Variants in DCAF12L2 observed in about 807,000 individuals in gnomAD.
DCAF12L2 encodes DDB1 and CUL4 associated factor 12 like 2.
DCAF12L2 carries 16 observed loss-of-function variants against 20.2 expected under a neutral mutation model. The ratio of observed to expected loss-of-function variants is 0.79; its 90% confidence interval spans 0.54 to 1.20. The LOEUF (loss-of-function observed/expected upper bound fraction) is 1.20. Among genes scored for constraint, DCAF12L2 ranks in the 50% most tolerant of loss-of-function variants. The pLI, the probability that DCAF12L2 is intolerant of heterozygous loss-of-function variation, is 0.00. For missense variants in DCAF12L2, 355 were observed against 404.8 expected (o/e 0.88, Z 1.06); for synonymous variants, 195 against 190.0 (o/e 1.03, Z -0.22).
Position 126,165,306 on chromosome X carries a change from C to A in DCAF12L2, c.619G>T (p.Val207Leu). Residue 207 changes from valine to leucine, a missense_variant, in exon 1 of 1, where the codon GTA becomes TTA. By Grantham distance (32) the Val-to-Leu change is conservative. Transcript: ENST00000360028. ...CCGTCGCGGGAGCCGCTCACAGCTA[C>A]GGTGTCACTCAGCCAGGCGACTGCG... is the stretch of plus-strand genomic sequence containing the variant. Reference protein sequence around the residue: ...IFAVAWLSDTVAVSGSRDGTV... With the variant: ...IFAVAWLSDTLAVSGSRDGTV... The A allele has an allele frequency of 1.6e-6, 2 of 1,212,571 alleles. No homozygotes were observed. Among genetic ancestry groups the A allele is most frequent in the Non-Finnish European group, 2.2e-6 (2 of 895,654 alleles).
At position 126,165,277 on chromosome X, in the gene DCAF12L2, G is replaced by A. The variant is rs376618014; in HGVS notation, c.648C>T (p.Thr216=). 8.4e-5 allele frequency: 102 copies of A among 1,211,330 alleles called. No individual in the cohort carries two copies. Among genetic ancestry groups the A allele is most frequent in the Non-Finnish European group, 1.0e-4 (92 of 895,480 alleles). ...CTGGGTCCATCCGCCACAGAGCCACGGTGCCGTCGCGGGAGCCGCTCACAG... is the reference window on the plus strand; with the variant it reads ...CTGGGTCCATCCGCCACAGAGCCACAGTGCCGTCGCGGGAGCCGCTCACAG... ...TVAVSGSRDG[T]VALWRMDPDM... is the part of the protein sequence containing the mutation. Residue 216 remains threonine (T), a synonymous_variant, in exon 1 of 1, where the codon ACC becomes ACT. Coordinates refer to ENST00000360028, the MANE Select transcript of DCAF12L2 (RefSeq NM_001013628.3).
rs1332960357 is a variant in DCAF12L2, at chrX:126,166,132, G to A, written c.-208C>T. On this transcript the variant is annotated 5_prime_UTR_variant, in exon 1 of 1. Coordinates refer to ENST00000360028, the MANE Select transcript of DCAF12L2 (RefSeq NM_001013628.3). ...CCCAGACTTCAGTCTGAGGCTCGGC[G>A]GCGGCGGCGGCGGCAGCGGTCGTCC... The A allele has an allele frequency of 7.0e-6, 2 of 284,754 alleles. No individual in the cohort carries two copies. Among genetic ancestry groups the A allele is most frequent in the East Asian group, 2.2e-4 (1 of 4,471 alleles). The allele number at this position is 284,754 out of a possible 1,213,427, so 23.5% of individuals were successfully genotyped here.
rs1486319867 is a variant in DCAF12L2 at position 126,165,050 on chromosome X, C to T, written c.875G>A (p.Arg292Gln). 3.3e-6 allele frequency: 4 copies of T among 1,210,886 alleles called. No homozygotes were observed. Among genetic ancestry groups the T allele is most frequent in the African/African-American group, 1.7e-5 (1 of 57,501 alleles). ...GGACAGGAGCCTGGATAGTGTGCTC[C>T]GGGCTTTCCACAGGTGGAAGTAGCC... Reference protein sequence around the residue: ...LDGYFHLWKARSTLSRLLSIR... With the variant: ...LDGYFHLWKAQSTLSRLLSIR... Residue 292 changes from arginine (R) to glutamine (Q), a missense_variant, in exon 1 of 1, where the codon CGG becomes CAG. Physicochemically the swap from Arg to Gln is conservative, Grantham distance 43. Coordinates refer to ENST00000360028, the MANE Select transcript of DCAF12L2 (RefSeq NM_001013628.3).
In DCAF12L2 at chrX:126,164,389, T is replaced by C; in HGVS notation, c.*144A>G. On this transcript the variant is annotated 3_prime_UTR_variant, in exon 1 of 1. Coordinates refer to ENST00000360028, the MANE Select transcript of DCAF12L2 (RefSeq NM_001013628.3). Reference sequence around the variant, plus strand: ...TCTCTCTCTTTCTTTCTCTGCCTAATACATTAAGCACACGTAAGTTGGACT... The same window carrying C: ...TCTCTCTCTTTCTTTCTCTGCCTAACACATTAAGCACACGTAAGTTGGACT... 3 of 751,001 alleles carry C rather than the reference T, an allele frequency of 4.0e-6. No homozygotes were observed. Among genetic ancestry groups the C allele is most frequent in the Non-Finnish European group, 5.7e-6 (3 of 529,620 alleles). The allele number at this position is 751,001 out of a possible 1,213,427, so 61.9% of individuals were successfully genotyped here.
chrX:126,165,087 C>G lies in DCAF12L2; in HGVS notation c.838G>C (p.Val280Leu), dbSNP rs760333560. The stretch of plus-strand genomic sequence containing the variant: ...AGGTGGAAGTAGCCGTCCAAGGACA[C>G]CGCTCCCAGCTCCTGGTTCTTGCCG... ...FSGKNQELGA[V>L]SLDGYFHLWK... Residue 280 changes from valine to leucine, a missense_variant, in exon 1 of 1, where the codon GTG becomes CTG. Val to Leu is a conservative substitution (Grantham distance 32). Coordinates refer to ENST00000360028, the MANE Select transcript of DCAF12L2 (RefSeq NM_001013628.3). 61 of 1,210,576 alleles carry G rather than the reference C, an allele frequency of 5.0e-5. No individual in the cohort carries two copies. Among genetic ancestry groups the G allele is most frequent in the Non-Finnish European group, 6.7e-5 (60 of 895,121 alleles).
Position 126,165,132 on chromosome X carries a change from C to T in DCAF12L2, c.793G>A (p.Val265Ile), listed in dbSNP as rs1338403941. Residue 265 changes from valine to isoleucine, a missense_variant, in exon 1 of 1, where the codon GTA (valine) becomes ATA (isoleucine). Physicochemically the swap from Val to Ile is conservative, Grantham distance 29 (BLOSUM62 3). Coordinates refer to ENST00000360028, the MANE Select transcript of DCAF12L2 (RefSeq NM_001013628.3). ...TTGCCGCTGAAGGCCAGGGCCCGTA[C>T]CTTGCGGTTGCTGGGGTTGGTGCTG... is the stretch of plus-strand genomic sequence containing the variant. Reference protein sequence around the residue: ...RASTNPSNRKVRALAFSGKNQ... With the variant: ...RASTNPSNRKIRALAFSGKNQ... The T allele has an allele frequency of 8.3e-7, 1 of 1,212,073 alleles. No individual in the cohort carries two copies. The highest frequency in any genetic ancestry group is 1.1e-6 in the Non-Finnish European group (1 of 895,432).
Position 126,165,446 on chromosome X carries a change from G to C in DCAF12L2, c.479C>G (p.Ser160Cys). 1 of 1,212,235 alleles carries C rather than the reference G, an allele frequency of 8.2e-7. No individual in the cohort carries two copies. The highest frequency in any genetic ancestry group is 1.1e-6 in the Non-Finnish European group (1 of 895,528). ...GCCGCCGGTGGCCAGAAGCGTCTTG[G>C]AGGGATTCAGCTCGATGGCATGGAT... ...CGIHAIELNP[S>C]KTLLATGGEN... is the part of the protein sequence containing the mutation. Residue 160 changes from serine to cysteine, a missense_variant, in exon 1 of 1, where the codon TCC becomes TGC. Physicochemically the swap from Ser to Cys is moderately radical, Grantham distance 112. Coordinates refer to ENST00000360028, the MANE Select transcript of DCAF12L2 (RefSeq NM_001013628.3).
rs1927769541 is a variant in DCAF12L2 at position 126,164,347 on chromosome X, T to G, written c.*186A>C. ...TTTTGACTGCCGAAAGGACCACTTG[T>G]GCTCTCTCGCTCCCGCTCTCTCTCT... On this transcript the variant is annotated 3_prime_UTR_variant, in exon 1 of 1. Transcript: ENST00000360028. 3.8e-6 allele frequency: 2 copies of G among 527,160 alleles called. No individual in the cohort carries two copies. Among genetic ancestry groups the G allele is most frequent in the Non-Finnish European group, 5.8e-6 (2 of 346,332 alleles). 43.4% of individuals were successfully genotyped at this position (527,160 alleles called of 1,213,427 possible).
rs1193993023 is a variant in DCAF12L2, at chrX:126,164,385, C to T, written c.*148G>A. On this transcript the variant is annotated 3_prime_UTR_variant, in exon 1 of 1. Coordinates refer to ENST00000360028, the MANE Select transcript of DCAF12L2 (RefSeq NM_001013628.3). ...CCGCTCTCTCTCTTTCTTTCTCTGC[C>T]TAATACATTAAGCACACGTAAGTTG... 1.7e-5 allele frequency: 12 copies of T among 726,810 alleles called. No homozygotes were observed. Among genetic ancestry groups the T allele is most frequent in the Middle Eastern group, 4.9e-4 (1 of 2,028 alleles). The allele number at this position is 726,810 out of a possible 1,213,427, so 59.9% of individuals were successfully genotyped here.
rs1368975473 is a variant in DCAF12L2, at chrX:126,164,826, T to C, written c.1099A>G (p.Thr367Ala). The C allele has an allele frequency of 1.7e-6, 2 of 1,210,990 alleles. No individual in the cohort carries two copies. Among genetic ancestry groups the C allele is most frequent in the Non-Finnish European group, 1.1e-6 (1 of 895,360 alleles). ...SFYQHIITVG[T>A]GHGSLLFYDI... ...TAGAAGAGCAGGGAACCATGGCCGGTGCCCACAGTGATGATGTGCTGGTAG... is the reference window on the plus strand; with the variant it reads ...TAGAAGAGCAGGGAACCATGGCCGGCGCCCACAGTGATGATGTGCTGGTAG... Residue 367 changes from threonine to alanine, a missense_variant, in exon 1 of 1, where the codon ACC (threonine) becomes GCC (alanine). Thr to Ala is a moderately conservative substitution (Grantham distance 58). Coordinates refer to ENST00000360028, the MANE Select transcript of DCAF12L2 (RefSeq NM_001013628.3).
In DCAF12L2 at chrX:126,165,957, C is replaced by G; in HGVS notation, c.-33G>C. 1 of 852,345 alleles carries G rather than the reference C, an allele frequency of 1.2e-6. No homozygotes were observed. The highest frequency in any genetic ancestry group is 1.4e-6 in the Non-Finnish European group (1 of 703,167). The allele number at this position is 852,345 out of a possible 1,213,427, so 70.2% of individuals were successfully genotyped here. Reference sequence around the variant, plus strand: ...GGCGGGCGATCTGCAGCAGCGGCGGCGGCGGCGGCGGCGGCGGCGGCGGCC... The same window carrying G: ...GGCGGGCGATCTGCAGCAGCGGCGGGGGCGGCGGCGGCGGCGGCGGCGGCC... On this transcript the variant is annotated 5_prime_UTR_variant, in exon 1 of 1. Transcript: ENST00000360028.
Position 126,164,758 on chromosome X carries a change from G to A in DCAF12L2, c.1167C>T (p.Ser389=). 8.2e-7 allele frequency: 1 copy of A among 1,212,496 alleles called. No homozygotes were observed. The highest frequency in any genetic ancestry group is 3.0e-5 in the East Asian group (1 of 33,844). ...AQKFLEERAS[S]SLDSMPGPAG... ...CGGGCCCCGGCATGGAGTCCAGGCT[G>A]GAAGAGGCCCTCTCCTCCAGGAACT... Residue 389 remains serine (S), a synonymous_variant, in exon 1 of 1, where the codon TCC becomes TCT. Transcript: ENST00000360028.
rs754900954 is a variant in DCAF12L2, at chrX:126,165,432, C to T, written c.493G>A (p.Ala165Thr). Residue 165 changes from alanine to threonine, a missense_variant, in exon 1 of 1, where the codon GCC becomes ACC. Physicochemically the swap from Ala to Thr is moderately conservative, Grantham distance 58. Coordinates refer to ENST00000360028, the MANE Select transcript of DCAF12L2 (RefSeq NM_001013628.3). ...IELNPSKTLL[A>T]TGGENPNSLA... Reference sequence around the variant, plus strand: ...CTGTTGGGGTTTTCGCCGCCGGTGGCCAGAAGCGTCTTGGAGGGATTCAGC... The same window carrying T: ...CTGTTGGGGTTTTCGCCGCCGGTGGTCAGAAGCGTCTTGGAGGGATTCAGC... 4 of 1,210,840 alleles carry T rather than the reference C, an allele frequency of 3.3e-6. No homozygotes were observed. Among genetic ancestry groups the T allele is most frequent in the Non-Finnish European group, 4.5e-6 (4 of 895,319 alleles).
rs1224348167 is a variant in DCAF12L2 at position 126,165,254 on chromosome X, G to A, written c.671C>T (p.Pro224Leu). 8.2e-7 allele frequency: 1 copy of A among 1,212,187 alleles called. No homozygotes were observed. Among genetic ancestry groups the A allele is most frequent in the Admixed American group, 2.2e-5 (1 of 46,155 alleles). Residue 224 changes from proline (P) to leucine (L), a missense_variant, in exon 1 of 1, where the codon CCA becomes CTA. Coordinates refer to ENST00000360028, the MANE Select transcript of DCAF12L2 (RefSeq NM_001013628.3). ...DGTVALWRMD[P>L]DMFNGSIAWH... ...GGCAATGCTGCCATTAAACATGTCT[G>A]GGTCCATCCGCCACAGAGCCACGGT...
rs756602092 is a variant in DCAF12L2, at chrX:126,164,893, C to G, written c.1032G>C (p.Leu344=). 1 of 1,211,209 alleles carries G rather than the reference C, an allele frequency of 8.3e-7. No homozygotes were observed. The highest frequency in any genetic ancestry group is 1.7e-5 in the African/African-American group (1 of 57,648). The change falls in exon 1 of 1, where the codon CTG becomes CTC. Residue 344 remains leucine, a synonymous_variant. Transcript: ENST00000360028. ...PRQRQQNIRP[L]CSREGGTGVR... Reference sequence around the variant, plus strand: ...CGCCTGTGCCACCCTCTCGAGAGCACAGGGGCCGGATGTTCTGCTGGCGCT... The same window carrying G: ...CGCCTGTGCCACCCTCTCGAGAGCAGAGGGGCCGGATGTTCTGCTGGCGCT...
rs1190703024 is a variant in DCAF12L2 at position 126,166,281 on chromosome X, A to G, written c.-357T>C. On this transcript the variant is annotated 5_prime_UTR_variant, in exon 1 of 1. Transcript: ENST00000360028. ...TCTGTCTGGATGGCTGCGGGAGCGA[A>G]GTCAGTGTGGGGGGAGGACGACGCT... is the stretch of plus-strand genomic sequence containing the variant. Among the ~76,000 whole-genome samples the G allele has an allele frequency of 9.2e-6, 1 of 109,079 alleles. No individual in the cohort carries two copies. Among genetic ancestry groups the G allele is most frequent in the Non-Finnish European group, 1.9e-5 (1 of 52,351 alleles). The allele number at this position is 109,079 out of a possible 115,157, so 94.7% of individuals were successfully genotyped here.
rs1296895653 is a variant in DCAF12L2, at chrX:126,165,426, C to T, written c.499G>A (p.Gly167Ser). Residue 167 changes from glycine to serine, a missense_variant, in exon 1 of 1, where the codon GGC becomes AGC. Physicochemically the swap from Gly to Ser is moderately conservative, Grantham distance 56. Transcript: ENST00000360028. ...LNPSKTLLATGGENPNSLAIY... is the reference protein window; with the variant it reads ...LNPSKTLLATSGENPNSLAIY... ...GCCAGGCTGTTGGGGTTTTCGCCGCCGGTGGCCAGAAGCGTCTTGGAGGGA... is the reference window on the plus strand; with the variant it reads ...GCCAGGCTGTTGGGGTTTTCGCCGCTGGTGGCCAGAAGCGTCTTGGAGGGA... The T allele has an allele frequency of 5.0e-6, 6 of 1,210,812 alleles. No individual in the cohort carries two copies. The East Asian group carries it at 1.2e-4, about 24-fold the overall frequency.
At position 126,165,276 on chromosome X, in the gene DCAF12L2, C is replaced by A. The variant is rs753083215; in HGVS notation, c.649G>T (p.Val217Leu). The A allele has an allele frequency of 1.6e-6, 2 of 1,212,333 alleles. No individual in the cohort carries two copies. Among genetic ancestry groups the A allele is most frequent in the Admixed American group, 2.2e-5 (1 of 46,181 alleles). ...TCTGGGTCCATCCGCCACAGAGCCA[C>A]GGTGCCGTCGCGGGAGCCGCTCACA... ...VAVSGSRDGT[V>L]ALWRMDPDMF... The change falls in exon 1 of 1, where the codon GTG becomes TTG. Residue 217 changes from valine to leucine, a missense_variant. Transcript: ENST00000360028.
Position 126,165,695 on chromosome X carries a change from C to T in DCAF12L2, c.230G>A (p.Gly77Asp), listed in dbSNP as rs779486741. The T allele has an allele frequency of 2.0e-5, 24 of 1,209,624 alleles. No homozygotes were observed. Among genetic ancestry groups the T allele is most frequent in the South Asian group, 1.8e-5 (1 of 56,837 alleles). Residue 77 changes from glycine (G) to aspartate (D), a missense_variant, in exon 1 of 1, where the codon GGC becomes GAC. Gly to Asp is a moderately conservative substitution (Grantham distance 94, BLOSUM62 -1). Coordinates refer to ENST00000360028, the MANE Select transcript of DCAF12L2 (RefSeq NM_001013628.3). Reference protein sequence around the residue: ...GLQGFEGELRGYAVQRLPELL... With the variant: ...GLQGFEGELRDYAVQRLPELL... ...CTCGGGCAGCCTCTGGACGGCGTAG[C>T]CCCGCAGCTCGCCCTCGAAGCCCTG...
Sources: allele counts gnomAD v4.1 joint callset (sites outside exome capture counted in the v4.1 genomes callset), GRCh38; gene constraint gnomAD v4.1.1; transcripts MANE v1.5; gene names NCBI Gene and HGNC (gene_info 2026-07-23, HGNC 2026-07-21).